ROS1: variants seen among roughly 807,000 people sequenced by gnomAD.
ROS1 encodes proto-oncogene tyrosine-protein kinase ROS.
Under a neutral mutation model 273.5 loss-of-function variants are expected in ROS1, and 263 were observed. That is an observed-to-expected ratio of 0.96 (90% CI 0.87 to 1.06). ROS1 has a LOEUF of 1.06. Ranked by LOEUF, ROS1 falls within the 50% of genes least tolerant of loss-of-function variation. The pLI, the probability that ROS1 is intolerant of heterozygous loss-of-function variation, is 0.00. For missense variants in ROS1, 2,833 were observed against 2,751.1 expected (o/e 1.03, Z -0.67); for synonymous variants, 1,008 against 954.1 (o/e 1.06, Z -1.04).
intron 4 of ROS1, among the ~76,000 whole-genome samples, chr6:117,411,122 T>C (rs1774869020): frequency 6.6e-6 from 1 of 152,136 alleles, no homozygotes; most frequent in Admixed American, 6.6e-5. Context: ...TTTTCTGATA[T>C]TTTCAGGGGA....
chr6:117,400,593 C>T (rs1773856681), intron 7 of ROS1, among the ~76,000 whole-genome samples: 1 of 152,136 alleles, frequency 6.6e-6, no homozygotes, highest in African/African-American at 2.4e-5. Flanking sequence ...CTTTTTGTTG[C>T]TTTCCAGAGA....
chr6:117,404,176 G>C (rs1190133987), intron 6 of ROS1, 104 bp downstream of exon 6: 2 of 1,034,728 alleles, frequency 1.9e-6, no homozygotes, highest in Non-Finnish European at 2.9e-6. Flanking sequence ...AGCTGAGATC[G>C]CGCCACTGCA....
rs1377168743 is a variant in ROS1 at position 117,360,318 on chromosome 6, G to A, written c.3430+24C>T. 6 of 1,506,806 alleles carry A rather than the reference G, an allele frequency of 4.0e-6. No homozygotes were observed. In the African/African-American group the frequency reaches 9.2e-5, roughly 23 times the overall value. 93.3% of individuals were successfully genotyped at this position (1,506,806 alleles called of 1,614,324 possible). ...CACACACGCCTCTAAATTATTATTT[G>A]CACAGATTTTAGAAAACAAATACCT... On this transcript the variant is annotated intron_variant, in intron 23 of 43. Coordinates refer to ENST00000368507, the MANE Select transcript of ROS1 (RefSeq NM_001378902.1).
chr6:117,372,824 T>C (rs927735148), intron 18 of ROS1, among the ~76,000 whole-genome samples: 2 of 152,206 alleles, frequency 1.3e-5, no homozygotes, highest in African/African-American at 2.4e-5. Flanking sequence ...ACAAAGCTTC[T>C]ACACTGTGGA....
At chr6:117,315,636 G>A (rs1171317061) in intron 39 of ROS1, among the ~76,000 whole-genome samples, 1 of 151,996 alleles carries the variant, frequency 6.6e-6, no homozygotes, top group African/African-American at 2.4e-5. Flanking sequence ...GAAGAATAAA[G>A]GACGTTTTCT....
At chr6:117,392,350 A>T (rs1773134714) in intron 12 of ROS1, among the ~76,000 whole-genome samples, 1 of 150,088 alleles carries the variant, frequency 6.7e-6, no homozygotes, top group African/African-American at 2.4e-5. Context: ...TATGAGCTGT[A>T]TTTTTTTTTT....
chr6:117,301,249 T>C (rs1458362439), intron 42 of ROS1, 112 bp from the exon 43 acceptor site: 3 of 871,278 alleles, frequency 3.4e-6, no homozygotes, highest in Non-Finnish European at 5.2e-6. Flanking sequence ...CAGTTTTCCT[T>C]AATTAATATA....
intron 43 of ROS1, among the ~76,000 whole-genome samples, chr6:117,292,561 C>G (rs968934909): frequency 5.3e-5 from 8 of 152,146 alleles, no homozygotes; most frequent in Admixed American, 5.2e-4. Context: ...ACTTGTCACT[C>G]TCTTCTTATT....
chr6:117,360,397 G>T lies in ROS1; in HGVS notation c.3375C>A (p.Ala1125=), dbSNP rs140639104. The T allele has an allele frequency of 5.0e-4, 805 of 1,612,740 alleles. 3 individuals carry two copies. The African/African-American group carries it at 9.7e-3, about 20-fold the overall frequency. The change falls in exon 23 of 44, where the codon GCC becomes GCA. Residue 1125 remains alanine, a synonymous_variant. Transcript: ENST00000368507. The part of the protein sequence containing the change: ...PRCFIAFQVR[A]FTSKGPGPYA... ...ATGGTCCTGGCCCCTTAGATGTAAA[G>T]GCCCTAACCTAAAGAAAAGGAAACA...
At chr6:117,352,856 G>C in intron 27 of ROS1, 134 bp downstream of exon 27, 2 of 732,364 alleles carry the variant, frequency 2.7e-6, no homozygotes, top group Non-Finnish European at 4.5e-6. Context: ...GCACACAGAA[G>C]ACTAGCAGAG....
At chr6:117,310,349 A>G (rs2128548961) in intron 40 of ROS1, 68 bp from the exon 41 acceptor site, 1 of 1,160,214 alleles carries the variant, frequency 8.6e-7, no homozygotes, top group Non-Finnish European at 1.2e-6. Context: ...TCAAAGAAGT[A>G]GCCCTAGTAG....
chr6:117,374,346 C>T (rs370284119), intron 18 of ROS1, among the ~76,000 whole-genome samples: 4 of 151,988 alleles, frequency 2.6e-5, no homozygotes, highest in Non-Finnish European at 5.9e-5. Context: ...AACTGATCTT[C>T]GACAAAGCAA....
chr6:117,329,739 C>T (rs752312570), intron 32 of ROS1, among the ~76,000 whole-genome samples: 38 of 152,208 alleles, frequency 2.5e-4, no homozygotes, highest in Non-Finnish European at 4.9e-4. Context: ...CTGAGAACCA[C>T]ACGGGGAAGG....
intron 9 of ROS1, 140 bp from the exon 10 acceptor site, chr6:117,394,878 G>A (rs942256103): frequency 2.8e-5 from 17 of 597,048 alleles, no homozygotes; most frequent in Admixed American, 5.7e-5. Flanking sequence ...AATGGCACTG[G>A]AGAATTGCAT....
intron 37 of ROS1, 89 bp downstream of exon 37, chr6:117,319,779 A>G (rs975407550): frequency 3.4e-6 from 4 of 1,182,556 alleles, no homozygotes; most frequent in Non-Finnish European, 4.8e-6. Flanking sequence ...TTCAACAAAG[A>G]GCACTCAACT....
At chr6:117,423,023 T>C (rs1448665255) in intron 1 of ROS1, among the ~76,000 whole-genome samples, 1 of 150,184 alleles carries the variant, frequency 6.7e-6, no homozygotes, top group Admixed American at 6.6e-5. Context: ...GATTTGTTAA[T>C]TCAAAAAAAA....
intron 33 of ROS1, among the ~76,000 whole-genome samples, chr6:117,327,709 A>G (rs969235566): frequency 6.6e-6 from 1 of 152,240 alleles, no homozygotes; most frequent in African/African-American, 2.4e-5. Context: ...CCCAAAATTC[A>G]TACCCACTCA....
chr6:117,310,014 T>C, intron 41 of ROS1, 67 bp downstream of exon 41: 1 of 1,351,886 alleles, frequency 7.4e-7, no homozygotes, highest in South Asian at 1.2e-5. Flanking sequence ...AGATTAGATG[T>C]CCTTTTAAAA....
chr6:117,301,497 G>T, intron 42 of ROS1: 1 of 171,266 alleles, frequency 5.8e-6, no homozygotes, highest in Non-Finnish European at 1.2e-5. Context: ...GATCACCAGG[G>T]TTGATTCAGC....
Sources: gnomAD v4.1 joint callset for allele counts (sites outside exome capture counted in the v4.1 genomes callset) on GRCh38, gnomAD v4.1.1 for gene constraint, MANE v1.5 for transcripts, NCBI Gene and HGNC (gene_info 2026-07-23, HGNC 2026-07-21) for gene names.